Variants in ESRRG observed in about 807,000 individuals in gnomAD.
ESRRG encodes estrogen-related receptor gamma.
ESRRG carries 13 observed loss-of-function variants against 44.0 expected under a neutral mutation model. The observed-to-expected ratio is 0.30, with a 90% CI of 0.19 to 0.47. The LOEUF (loss-of-function observed/expected upper bound fraction) is 0.47. Among genes scored for constraint, ESRRG ranks in the 20% least tolerant of loss-of-function variants. The pLI is 1.00. For missense variants in ESRRG, 395 were observed against 580.6 expected (o/e 0.68, Z 3.29); for synonymous variants, 215 against 214.6 (o/e 1.00, Z -0.02).
In ESRRG at chr1:216,519,261, G is replaced by A. The variant is rs1011594006; in HGVS notation, c.1023C>T (p.Gly341=). 2 of 1,613,690 alleles carry A rather than the reference G, an allele frequency of 1.2e-6. No homozygotes were observed. Among genetic ancestry groups the A allele is most frequent in the Non-Finnish European group, 1.7e-6 (2 of 1,179,732 alleles). The part of the protein sequence containing the change: ...IMDEDQSKLA[G]LLDLNNAILQ... ...GGATAGCATTATTTAGATCAAGAAG[G>A]CCTGCTAATTTGGACTGGTCTTCGT... Residue 341 remains glycine, a synonymous_variant, in exon 6 of 7, where the codon GGC becomes GGT. Coordinates refer to ENST00000408911, the MANE Select transcript of ESRRG (RefSeq NM_001438.4).
At chr1:216,712,217 G>A (rs184702363) in intron 1 of ESRRG, among the ~76,000 whole-genome samples, 3 of 152,114 alleles carry the variant, frequency 2.0e-5, no homozygotes, top group Non-Finnish European at 2.9e-5. Flanking sequence ...GAACATTTAC[G>A]TATTCAATGG....
At chr1:216,762,247 C>T (rs1279903786) in intron 2 of ESRRG, among the ~76,000 whole-genome samples, 1 of 151,952 alleles carries the variant, frequency 6.6e-6, no homozygotes, top group Non-Finnish European at 1.5e-5. Context: ...TATAAAGACA[C>T]ATGCACACGT....
chr1:216,996,034 CA>C (rs907013949), intron 1 of ESRRG, among the ~76,000 whole-genome samples: 38 of 147,514 alleles, frequency 2.6e-4, no homozygotes, highest in African/African-American at 5.5e-4. Context: ...CTTTTATTAA[CA>C]AAAAAAAAAT....
At position 217,135,020 on chromosome 1, in the gene ESRRG, C is replaced by G. The variant is rs146964525; in HGVS notation, c.-230+2647G>C. 6.6e-5 allele frequency among the ~76,000 whole-genome samples: 10 copies of G among 152,342 alleles called. No individual in the cohort carries two copies. The East Asian group carries it at 1.9e-3, about 29-fold the overall frequency. ...CAGCCTCTCCTTCCTCTCCTTTCCC[C>G]GCTTTCCGCCCAGGGCGGTTCTGAG... On this transcript the variant is annotated intron_variant, in intron 1 of 8. Coordinates refer to the ESRRG transcript ENST00000366940.
At chr1:216,904,136 T>A (rs2149511870) in intron 2 of ESRRG, among the ~76,000 whole-genome samples, 1 of 152,272 alleles carries the variant, frequency 6.6e-6, no homozygotes, top group East Asian at 1.9e-4. Context: ...CAGTAAGCAG[T>A]AACCTCTTTG....
At chr1:216,952,242 C>T (rs1229899296) in intron 1 of ESRRG, among the ~76,000 whole-genome samples, 3 of 152,176 alleles carry the variant, frequency 2.0e-5, no homozygotes, top group Non-Finnish European at 4.4e-5. Context: ...AGACTTTCTA[C>T]AACCTCTTCA....
At chr1:216,675,082 C>T (rs965635757) in intron 2 of ESRRG, among the ~76,000 whole-genome samples, 9 of 151,480 alleles carry the variant, frequency 5.9e-5, no homozygotes, top group Admixed American at 2.0e-4. Flanking sequence ...GAAGGTGGGC[C>T]GGGCACGGTG....
At chr1:216,787,315 C>G (rs538681965) in intron 2 of ESRRG, among the ~76,000 whole-genome samples, 1 of 151,794 alleles carries the variant, frequency 6.6e-6, no homozygotes, top group African/African-American at 2.4e-5. Context: ...TTTAAAAACC[C>G]CAAAAAAGGC....
intron 5 of ESRRG, among the ~76,000 whole-genome samples, chr1:216,562,401 C>CCT (rs1201462019): frequency 1.3e-5 from 2 of 152,024 alleles, no homozygotes; most frequent in Non-Finnish European, 2.9e-5. Context: ...GTGTTTTTTA[C>CCT]CTCTCTCTAC....
rs554542967 is a variant in ESRRG at position 216,819,503 on chromosome 1, G to A, written c.-14+120079C>T. ...CAAATCACATTTCACTTCATGGAAT[G>A]GTCCTTTGCCATATAAGCATGTCTT... On this transcript the variant is annotated intron_variant, in intron 2 of 7. Transcript: ENST00000359162. 3.9e-5 allele frequency among the ~76,000 whole-genome samples: 6 copies of A among 152,214 alleles called. No homozygotes were observed. In the South Asian group the frequency reaches 6.2e-4, roughly 16 times the overall value.
chr1:216,568,893 A>G (rs886784026), intron 3 of ESRRG, among the ~76,000 whole-genome samples: 3 of 152,012 alleles, frequency 2.0e-5, no homozygotes, highest in East Asian at 1.9e-4. Context: ...TGTCTCTACT[A>G]AAAATACAAA....
intron 2 of ESRRG, chr1:216,805,516 G>A (rs2094760967): frequency 6.6e-6 from 1 of 152,146 alleles, no homozygotes; most frequent in South Asian, 2.1e-4. Flanking sequence ...GTCCAGGCGG[G>A]TCACAAGTGA....
rs183161886 is a variant in ESRRG at position 217,131,010 on chromosome 1, G to A, written c.-230+6657C>T. ...TGAATTGTAAACTCCCGTCAAACAG[G>A]TTGTACAGGTGGATATGTTGAAAAC... is the stretch of plus-strand genomic sequence containing the variant. On this transcript the variant is annotated intron_variant, in intron 1 of 8. Transcript: ENST00000366940. Among the ~76,000 whole-genome samples, 336 of 152,238 alleles carry A rather than the reference G, an allele frequency of 2.2e-3. 1 individual carries two copies. The highest frequency in any genetic ancestry group is 0.01 in the Middle Eastern group (3 of 294).
rs560190388 is a variant in ESRRG, at chr1:216,920,927, G to C, written c.-14+18655C>G. ...GCATTATGCTGTGAGCAAGGCACAC[G>C]ACTCAGAGTTGGGCAGCAGAACTAA... On this transcript the variant is annotated intron_variant, in intron 2 of 7. Coordinates refer to the ESRRG transcript ENST00000359162. Among the ~76,000 whole-genome samples, 26 of 152,234 alleles carry C rather than the reference G, an allele frequency of 1.7e-4. No individual in the cohort carries two copies. The South Asian group carries it at 4.8e-3, about 28-fold the overall frequency.
intron 5 of ESRRG, among the ~76,000 whole-genome samples, chr1:216,562,044 T>C (rs1429591565): frequency 6.6e-6 from 1 of 152,204 alleles, no homozygotes; most frequent in Non-Finnish European, 1.5e-5. Context: ...CATTTCTACT[T>C]GGATGCACAG....
intron 2 of ESRRG, among the ~76,000 whole-genome samples, chr1:216,781,382 G>C (rs892984190): frequency 3.3e-5 from 5 of 152,086 alleles, no homozygotes; most frequent in Non-Finnish European, 5.9e-5. Context: ...AGTGTTAAAA[G>C]TAGCAGATAA....
intron 1 of ESRRG, among the ~76,000 whole-genome samples, chr1:217,042,111 G>A (rs114221835): frequency 9.1e-4 from 138 of 152,224 alleles, no homozygotes; most frequent in African/African-American, 3.0e-3. Context: ...CCATAGATAC[G>A]TATTTCTGCT....
chr1:216,656,904 G>T (rs1423363338), intron 2 of ESRRG, among the ~76,000 whole-genome samples: 1 of 152,142 alleles, frequency 6.6e-6, no homozygotes, highest in African/African-American at 2.4e-5. Flanking sequence ...GGTTTATCCA[G>T]TTGCTTTTCA....
At chr1:216,561,737 T>C (rs777015102) in intron 5 of ESRRG, among the ~76,000 whole-genome samples, 2 of 152,180 alleles carry the variant, frequency 1.3e-5, no homozygotes, top group Non-Finnish European at 2.9e-5. Flanking sequence ...ACTCTTGTTT[T>C]GCTAATCCCT....
Sources: gnomAD v4.1 joint callset for allele counts (sites outside exome capture counted in the v4.1 genomes callset) on GRCh38, gnomAD v4.1.1 for gene constraint, MANE v1.5 for transcripts, NCBI Gene and HGNC (gene_info 2026-07-23, HGNC 2026-07-21) for gene names.